The following RWDD3 variants were observed in gnomAD, a reference collection of about 807,000 sequenced individuals.
RWDD3 encodes the protein RWD domain-containing protein 3.
In RWDD3, 30 loss-of-function variants were observed where a neutral mutation model predicts 26.5. The ratio of observed to expected loss-of-function variants is 1.13; its 90% CI spans 0.85 to 1.54. The LOEUF (loss-of-function observed/expected upper bound fraction) is 1.54, where lower values mean the gene tolerates loss of function less well. Ranked by LOEUF, RWDD3 falls within the 40% of genes most tolerant of loss-of-function variation. RWDD3 has a pLI of 0.00. For missense variants in RWDD3, 296 were observed against 309.1 expected (o/e 0.96, Z 0.32); for synonymous variants, 113 against 114.5 (o/e 0.99, Z 0.09).
intron 2 of RWDD3, among the ~76,000 whole-genome samples, chr1:95,245,362 G>A (rs960457175): frequency 9.2e-5 from 14 of 152,056 alleles, no homozygotes; most frequent in Admixed American, 6.6e-4. Flanking sequence ...GACAAGATGA[G>A]GAAAACTGTT....
Position 95,244,311 on chromosome 1 carries a change from T to C in RWDD3, c.186T>C (p.Pro62=). The C allele has an allele frequency of 6.2e-7, 1 of 1,614,238 alleles. No individual in the cohort carries two copies. Among genetic ancestry groups the C allele is most frequent in the African/African-American group, 1.3e-5 (1 of 75,072 alleles). The change falls in exon 2 of 4, where the codon CCT becomes CCC. Residue 62 remains proline (P), a synonymous_variant. Coordinates refer to ENST00000370202, the MANE Select transcript of RWDD3 (RefSeq NM_015485.5). ...TGTTCCATTTGCCAGTCAATTATCC[T>C]TCATGTCTACCTGGTATCTCGATTA... The part of the protein sequence containing the change: ...ELVFHLPVNY[P]SCLPGISINS...
In RWDD3 at chr1:95,244,534, G is replaced by A. The variant is rs1180053932; in HGVS notation, c.409G>A (p.Asp137Asn). 1 of 1,614,194 alleles carries A rather than the reference G, an allele frequency of 6.2e-7. No individual in the cohort carries two copies. Among genetic ancestry groups the A allele is most frequent in the Non-Finnish European group, 8.5e-7 (1 of 1,180,034 alleles). The change falls in exon 2 of 4, where the codon GAT (aspartate) becomes AAT (asparagine). Residue 137 changes from aspartate (D) to asparagine (N), a missense_variant. Asp to Asn is a conservative substitution (Grantham distance 23). Coordinates refer to ENST00000370202, the MANE Select transcript of RWDD3 (RefSeq NM_015485.5). The part of the protein sequence containing the change: ...CTFSTSTTMD[D>N]GLWITLLHLD... ...TTTTTCAACAAGCACGACCATGGAT[G>A]ATGGATTGTGGATAACTCTTTTGCA...
At position 95,238,108 on chromosome 1, in the gene RWDD3, A is replaced by G. The variant is rs144609241; in HGVS notation, c.85+3793A>G. On this transcript the variant is annotated intron_variant, in intron 1 of 3. Transcript: ENST00000370202. ...ATGAGGAAATTGAGTGACACAGATT[A>G]TGTGGCCATAGTCAATGTTCGTTAT... Among the ~76,000 whole-genome samples, 7 of 152,350 alleles carry G rather than the reference A, an allele frequency of 4.6e-5. No homozygotes were observed. In the East Asian group the frequency reaches 1.4e-3, roughly 29 times the overall value.
At chr1:95,238,628 A>AC (rs397725380) in intron 1 of RWDD3, among the ~76,000 whole-genome samples, 1 of 148,512 alleles carries the variant, frequency 6.7e-6, no homozygotes, top group Non-Finnish European at 1.5e-5. Context: ...AAGAAAAAAA[A>AC]CACAAGTGTA....
At chr1:95,243,691 C>T (rs1458206229) in intron 1 of RWDD3, among the ~76,000 whole-genome samples, 1 of 152,188 alleles carries the variant, frequency 6.6e-6, no homozygotes, top group African/African-American at 2.4e-5. Context: ...ACATTCCAGG[C>T]AGTTACTATG....
At chr1:95,235,155 T>G (rs1192904017) in intron 1 of RWDD3, among the ~76,000 whole-genome samples, 1 of 151,290 alleles carries the variant, frequency 6.6e-6, no homozygotes, top group Non-Finnish European at 1.5e-5. Context: ...CACGCCATTC[T>G]CCTGCCTCAG....
intron 1 of RWDD3, among the ~76,000 whole-genome samples, chr1:95,240,339 G>C (rs980216211): frequency 1.3e-5 from 2 of 152,114 alleles, no homozygotes; most frequent in African/African-American, 4.8e-5. Flanking sequence ...CCCCATTTTG[G>C]TTGTTGTTTA....
At chr1:95,242,069 A>C (rs1680654588) in intron 1 of RWDD3, among the ~76,000 whole-genome samples, 2 of 152,156 alleles carry the variant, frequency 1.3e-5, no homozygotes, top group Admixed American at 6.5e-5. Context: ...CCAGCCTTCT[A>C]AGAAGGTTTG....
intron 1 of RWDD3, among the ~76,000 whole-genome samples, chr1:95,234,874 T>C (rs966398821): frequency 7.9e-5 from 12 of 151,984 alleles, no homozygotes; most frequent in Non-Finnish European, 1.8e-4. Context: ...CTGCATTCTA[T>C]TTCCAAGTTG....
At chr1:95,236,656 A>G (rs1018001988) in intron 1 of RWDD3, among the ~76,000 whole-genome samples, 1 of 152,198 alleles carries the variant, frequency 6.6e-6, no homozygotes, top group African/African-American at 2.4e-5. Flanking sequence ...TTCTGATTGG[A>G]TAATTCTTCA....
intron 1 of RWDD3, among the ~76,000 whole-genome samples, chr1:95,235,499 C>CA (rs2101090703): frequency 6.6e-6 from 1 of 151,618 alleles, no homozygotes; most frequent in South Asian, 2.1e-4. Context: ...GCTGGCACTA[C>CA]AGGCGCCTGC....
At chr1:95,240,723 C>G (rs1452617454) in intron 1 of RWDD3, among the ~76,000 whole-genome samples, 1 of 151,898 alleles carries the variant, frequency 6.6e-6, no homozygotes, top group African/African-American at 2.4e-5. Flanking sequence ...TGGGGAGAGG[C>G]AGGCGGCGAG....
intron 1 of RWDD3, among the ~76,000 whole-genome samples, chr1:95,240,962 A>C (rs1005652369): frequency 6.6e-6 from 1 of 151,770 alleles, no homozygotes; most frequent in Non-Finnish European, 1.5e-5. Context: ...CCTGAGGTCA[A>C]GAGTTTGAGA....
intron 1 of RWDD3, among the ~76,000 whole-genome samples, chr1:95,236,311 CAA>C (rs372022140): frequency 1.9e-3 from 264 of 136,088 alleles, no homozygotes; most frequent in African/African-American, 6.9e-3. Context: ...GCCTGGGTAA[CAA>C]GAGTGAAACT....
At chr1:95,235,638 G>A (rs993847867) in intron 1 of RWDD3, among the ~76,000 whole-genome samples, 15 of 151,984 alleles carry the variant, frequency 9.9e-5, no homozygotes, top group Non-Finnish European at 5.9e-5. Context: ...GATTACAGGC[G>A]TGAGCCACAG....
At chr1:95,244,750 T>C in intron 2 of RWDD3, 52 bp downstream of exon 2, 1 of 1,574,422 alleles carries the variant, frequency 6.4e-7, no homozygotes, top group Non-Finnish European at 8.6e-7. Flanking sequence ...CTGCTTTAAA[T>C]GGTGTGTCTT....
At chr1:95,239,862 C>T (rs1404283276) in intron 1 of RWDD3, 4 of 1,289,676 alleles carry the variant, frequency 3.1e-6, no homozygotes, top group Non-Finnish European at 3.0e-6. Flanking sequence ...TCCCCCTGGA[C>T]TACCAACATG....
chr1:95,245,188 G>A (rs1680803242), intron 2 of RWDD3, among the ~76,000 whole-genome samples: 1 of 152,118 alleles, frequency 6.6e-6, no homozygotes, highest in South Asian at 2.1e-4. Flanking sequence ...TTATAACCGA[G>A]ATTTCATGTT....
Position 95,234,271 on chromosome 1 carries a change from C to G in RWDD3, c.41C>G (p.Ala14Gly). The change falls in exon 1 of 4, where the codon GCG becomes GGG. Residue 14 changes from alanine to glycine, a missense_variant. Coordinates refer to ENST00000370202, the MANE Select transcript of RWDD3 (RefSeq NM_015485.5). Reference sequence around the variant, plus strand: ...CAGGAGGAGCTCTCGGTCCTGGCCGCGATTTTCTGCAGGCCCCACGAGTGG... The same window carrying G: ...CAGGAGGAGCTCTCGGTCCTGGCCGGGATTTTCTGCAGGCCCCACGAGTGG... ...PVQEELSVLA[A>G]IFCRPHEWEV... 1 of 1,599,342 alleles carries G rather than the reference C, an allele frequency of 6.3e-7. No individual in the cohort carries two copies. Among genetic ancestry groups the G allele is most frequent in the East Asian group, 2.3e-5 (1 of 44,248 alleles).
Sources: gnomAD v4.1 joint callset for allele counts (sites outside exome capture counted in the v4.1 genomes callset) on GRCh38, gnomAD v4.1.1 for gene constraint, MANE v1.5 for transcripts, NCBI Gene and HGNC (gene_info 2026-07-23, HGNC 2026-07-21) for gene names.